The following RNF212B variants were observed in gnomAD, a reference collection of about 807,000 sequenced individuals.
The protein encoded by RNF212B is E3 ubiquitin-protein ligase RNF212B.
Under a neutral mutation model 55.5 loss-of-function variants are expected in RNF212B, and 52 were observed. The observed-to-expected ratio is 0.94, with a 90% CI of 0.75 to 1.18. The LOEUF is 1.18. Ranked by LOEUF, RNF212B falls within the 50% of genes most tolerant of loss-of-function variation. The pLI is 0.00. For missense variants in RNF212B, 289 were observed against 350.4 expected (o/e 0.82, Z 1.40); for synonymous variants, 99 against 121.4 (o/e 0.82, Z 1.21).
upstream of RNF212B, among the ~76,000 whole-genome samples, chr14:23,233,620 T>C (rs1477492519): frequency 2.8e-5 from 4 of 143,600 alleles, no homozygotes; most frequent in African/African-American, 7.8e-5. Context: ...TGCATGCTTG[T>C]AGTCCCAGCC....
chr14:23,249,884 C>G (rs1424435854), intron 4 of RNF212B, among the ~76,000 whole-genome samples: 2 of 152,160 alleles, frequency 1.3e-5, no homozygotes, highest in Admixed American at 1.3e-4. Context: ...TGAACCGTCA[C>G]GATAATCTAT....
chr14:23,211,247 T>G (rs74808752), intron 2 of RNF212B, among the ~76,000 whole-genome samples: 1 of 150,520 alleles, frequency 6.6e-6, no homozygotes, highest in Non-Finnish European at 1.5e-5. Context: ...AAGCAACAAA[T>G]TGAACAACTT....
intron 4 of RNF212B, among the ~76,000 whole-genome samples, chr14:23,256,792 T>C (rs980439714): frequency 6.6e-6 from 1 of 152,196 alleles, no homozygotes; most frequent in African/African-American, 2.4e-5. Context: ...GTTCAAGCAA[T>C]CCACCCACTT....
intron 7 of RNF212B, 25 bp from the exon 8 acceptor site, chr14:23,262,640 C>G: frequency 6.5e-7 from 1 of 1,545,082 alleles, no homozygotes. Context: ...GAGATTAGAG[C>G]CGCCTCTTTT....
intron 4 of RNF212B, among the ~76,000 whole-genome samples, chr14:23,258,292 C>T (rs890424434): frequency 2.7e-5 from 4 of 148,726 alleles, no homozygotes; most frequent in East Asian, 4.0e-4. Flanking sequence ...GAGCCGAGAT[C>T]GCACTATTGC....
intron 1 of RNF212B, among the ~76,000 whole-genome samples, chr14:23,191,212 G>T (rs1358952968): frequency 6.6e-6 from 1 of 152,016 alleles, no homozygotes; most frequent in Non-Finnish European, 1.5e-5. Context: ...AAATTAACCA[G>T]GGCTGGTGGC....
Position 23,264,159 on chromosome 14 carries a change from T to C in RNF212B, c.525-15T>C. ...GTTTTTTGCCTTTTTTTTCTTTTTG[T>C]TTCACCTTATACAGTCGGTCCTCCT... On this transcript the variant is annotated splice_polypyrimidine_tract_variant and intron_variant, in intron 9 of 14. Transcript: ENST00000430154. 6.5e-7 allele frequency: 1 copy of C among 1,528,478 alleles called. No homozygotes were observed. The highest frequency in any genetic ancestry group is 8.8e-7 in the Non-Finnish European group (1 of 1,138,042). 94.7% of individuals were successfully genotyped at this position (1,528,478 alleles called of 1,614,324 possible). A position where few individuals can be genotyped will look rare whatever the true frequency, so the allele number is the denominator to read the frequency against.
intron 2 of RNF212B, among the ~76,000 whole-genome samples, chr14:23,227,919 T>A (rs868090053): frequency 6.0e-5 from 9 of 149,676 alleles, no homozygotes; most frequent in Non-Finnish European, 7.4e-5. Flanking sequence ...TCTAAAAATA[T>A]AAAAGTTTTT....
At chr14:23,215,024 C>A (rs910100715) in intron 2 of RNF212B, among the ~76,000 whole-genome samples, 1 of 152,206 alleles carries the variant, frequency 6.6e-6, no homozygotes, top group Non-Finnish European at 1.5e-5. Context: ...TGTGTCCCCA[C>A]ACAAATCTCA....
At chr14:23,189,638 A>G (rs753916254) in intron 1 of RNF212B, among the ~76,000 whole-genome samples, 3 of 151,900 alleles carry the variant, frequency 2.0e-5, no homozygotes, top group Admixed American at 6.6e-5. Context: ...CCTTGTTTCT[A>G]CTAAAAATTA....
At chr14:23,270,473 T>C (rs936611291) in intron 13 of RNF212B, 127 bp from the exon 14 acceptor site, 1 of 684,594 alleles carries the variant, frequency 1.5e-6, no homozygotes, top group Non-Finnish European at 2.7e-6. Context: ...ATCTCTTAAA[T>C]TGCTGATTGT....
At chr14:23,214,438 G>A (rs949144632) in intron 2 of RNF212B, among the ~76,000 whole-genome samples, 1 of 152,044 alleles carries the variant, frequency 6.6e-6, no homozygotes, top group Non-Finnish European at 1.5e-5. Context: ...AGGTTGCGGT[G>A]AGCCCAAATT....
chr14:23,221,233 G>GAAAAAAAAAAAA (rs71119004), intron 2 of RNF212B, among the ~76,000 whole-genome samples: 1 of 116,110 alleles, frequency 8.6e-6, no homozygotes. Flanking sequence ...CTGAAAATAG[G>GAAAAAAAAAAAA]AAAAAAAAAA....
chr14:23,227,223 AT>A (rs142475427), intron 2 of RNF212B, among the ~76,000 whole-genome samples: 60 of 150,388 alleles, frequency 4.0e-4, no homozygotes, highest in South Asian at 4.2e-4. Flanking sequence ...TATTATTATA[AT>A]TTTTTTTTTG....
At chr14:23,235,264 C>A (rs1883020193), upstream of RNF212B, among the ~76,000 whole-genome samples, 1 of 151,984 alleles carries the variant, frequency 6.6e-6, no homozygotes. Context: ...GCAGAAGGAT[C>A]CCTTGAGCCC....
intron 2 of RNF212B, among the ~76,000 whole-genome samples, chr14:23,227,537 CAATAT>C (rs1882144429): frequency 6.7e-6 from 1 of 150,144 alleles, no homozygotes; most frequent in African/African-American, 2.5e-5. Context: ...TATTATACAT[CAATAT>C]ACATTGAATA....
At chr14:23,235,529 C>G (rs1883037082), upstream of RNF212B, among the ~76,000 whole-genome samples, 2 of 152,140 alleles carry the variant, frequency 1.3e-5, no homozygotes, top group Admixed American at 1.3e-4. Context: ...CTTGCCACTT[C>G]AAGGAAAACC....
chr14:23,248,440 CTTTTTTTTTTT>C (rs34288769), intron 4 of RNF212B, among the ~76,000 whole-genome samples: 8 of 112,842 alleles, frequency 7.1e-5, no homozygotes, highest in Non-Finnish European at 1.8e-5. Context: ...CCCCAAGCCT[CTTTTTTTTTTT>C]TTTTTTTTGA....
intron 4 of RNF212B, among the ~76,000 whole-genome samples, chr14:23,245,735 C>T (rs1883930352): frequency 6.6e-6 from 1 of 152,168 alleles, no homozygotes. Context: ...ATAGTAGCCC[C>T]AACATTTTCT....
Sources: gnomAD v4.1 joint callset for allele counts (sites outside exome capture counted in the v4.1 genomes callset) on GRCh38, gnomAD v4.1.1 for gene constraint, MANE v1.5 for transcripts, NCBI Gene and HGNC (gene_info 2026-07-23, HGNC 2026-07-21) for gene names.